The following MYH13 variants were observed in gnomAD, a reference collection of about 807,000 sequenced individuals.
MYH13 encodes the protein myosin-13.
Under a neutral mutation model 232.1 loss-of-function variants are expected in MYH13, and 177 were observed. The ratio of observed to expected loss-of-function variants is 0.76; its 90% CI spans 0.67 to 0.86. MYH13 has a LOEUF of 0.86. Ranked by LOEUF, MYH13 falls within the 40% of genes least tolerant of loss-of-function variation. The probability of loss-of-function intolerance (pLI) is 0.00; values close to 1 mark genes in which losing one functional copy is unlikely to be tolerated. For synonymous variants in MYH13, 884 were observed against 923.5 expected (o/e 0.96, Z 0.78); for missense variants, 2,246 against 2,405.9 (o/e 0.93, Z 1.39).
At chr17:10,322,535 G>A (rs1264829214) in intron 23 of MYH13, among the ~76,000 whole-genome samples, 1 of 151,924 alleles carries the variant, frequency 6.6e-6, no homozygotes, top group Non-Finnish European at 1.5e-5. Context: ...TTCCAGATCA[G>A]AAGTTGCTAA....
intron 2 of MYH13, among the ~76,000 whole-genome samples, chr17:10,366,259 T>G (rs1405329662): frequency 6.6e-6 from 1 of 151,828 alleles, no homozygotes; most frequent in Admixed American, 6.6e-5. Context: ...CCTCTTTCCT[T>G]CCCTTCTCTC....
intron 11 of MYH13, among the ~76,000 whole-genome samples, chr17:10,354,199 C>T (rs1597387863): frequency 6.6e-6 from 1 of 152,262 alleles, no homozygotes; most frequent in Non-Finnish European, 1.5e-5. Context: ...AAAATAAACA[C>T]CACAGGCCTG....
In MYH13 at chr17:10,306,437, A is replaced by G; in HGVS notation, c.5466+22T>C. On this transcript the variant is annotated intron_variant, in intron 37 of 40. Transcript: ENST00000252172. The surrounding 1 kb of genome is among the most constrained non-coding windows in gnomAD (Gnocchi z 4.3). ...GTCCGAGGCTGTCACTTTCAGAGTAACAGTCCTCTCAAAAACTCTACCCGG... is the reference window on the plus strand; with the variant it reads ...GTCCGAGGCTGTCACTTTCAGAGTAGCAGTCCTCTCAAAAACTCTACCCGG... 1.2e-6 allele frequency: 2 copies of G among 1,613,994 alleles called. No individual in the cohort carries two copies. Among genetic ancestry groups the G allele is most frequent in the Non-Finnish European group, 1.7e-6 (2 of 1,179,950 alleles).
At chr17:10,305,936 T>C (rs1016683536) in intron 37 of MYH13, among the ~76,000 whole-genome samples, 2 of 152,002 alleles carry the variant, frequency 1.3e-5, no homozygotes, top group Non-Finnish European at 2.9e-5. Flanking sequence ...TGTGCCAGAA[T>C]TGCAGCCTGC....
chr17:10,344,220 G>T, intron 15 of MYH13, 111 bp from the exon 16 acceptor site: 1 of 1,458,718 alleles, frequency 6.9e-7, no homozygotes, highest in Non-Finnish European at 9.2e-7. Context: ...AGGAATGCTG[G>T]CATGTACGCT....
intron 23 of MYH13, among the ~76,000 whole-genome samples, chr17:10,322,281 C>G (rs577327879): frequency 1.3e-5 from 2 of 151,910 alleles, no homozygotes; most frequent in African/African-American, 2.4e-5. Context: ...ACCTGTAGTC[C>G]CAGCTACTCA....
Position 10,324,264 on chromosome 17 carries a change from C to T in MYH13, c.2692G>A (p.Glu898Lys). 6.2e-7 allele frequency: 1 copy of T among 1,613,102 alleles called. No individual in the cohort carries two copies. Among genetic ancestry groups the T allele is most frequent in the African/African-American group, 1.3e-5 (1 of 74,908 alleles). ...TCAGCGTCCATCAGATTTTCTGTTT[C>T]CTGAAAGAACCAGGTCATTTTATGT... Reference protein sequence around the residue: ...KNDLQLQVQSETENLMDAEER... With the variant: ...KNDLQLQVQSKTENLMDAEER... The change falls in exon 23 of 41, where the codon GAA (glutamate) becomes AAA (lysine). Residue 898 changes from glutamate (E) to lysine (K), a missense_variant and splice_region_variant. Physicochemically the swap from Glu to Lys is moderately conservative, Grantham distance 56. Coordinates refer to ENST00000252172, the MANE Select transcript of MYH13 (RefSeq NM_003802.3).
At chr17:10,324,364 A>G in intron 22 of MYH13, 100 bp from the exon 23 acceptor site, 2 of 1,446,892 alleles carry the variant, frequency 1.4e-6, no homozygotes, top group Non-Finnish European at 1.9e-6. Context: ...CACCTAAGCC[A>G]AGAAATGGGT....
At chr17:10,305,894 C>T (rs1196070873) in intron 37 of MYH13, among the ~76,000 whole-genome samples, 1 of 152,106 alleles carries the variant, frequency 6.6e-6, no homozygotes, top group Admixed American at 6.6e-5. Flanking sequence ...GCCCCGATCG[C>T]CCTCTTTTGG....
intron 26 of MYH13, among the ~76,000 whole-genome samples, chr17:10,319,706 T>C (rs1289078440): frequency 6.6e-6 from 1 of 152,108 alleles, no homozygotes; most frequent in Non-Finnish European, 1.5e-5. Flanking sequence ...AAGGAGCAAA[T>C]TGCAGAGTGA....
At chr17:10,319,238 A>AG in intron 26 of MYH13, 59 bp from the exon 27 acceptor site, 1 of 1,543,016 alleles carries the variant, frequency 6.5e-7, no homozygotes, top group Non-Finnish European at 8.7e-7. Context: ...CCCCTTTGAG[A>AG]GGGGCTGGGT....
chr17:10,329,454 T>C (rs754069195), intron 21 of MYH13, among the ~76,000 whole-genome samples: 3 of 152,216 alleles, frequency 2.0e-5, no homozygotes, highest in Non-Finnish European at 2.9e-5. Flanking sequence ...CCTTGCCCCG[T>C]CATAGCCTTT....
intron 11 of MYH13, among the ~76,000 whole-genome samples, chr17:10,354,346 C>A (rs1366291222): frequency 1.3e-5 from 2 of 152,136 alleles, no homozygotes. Context: ...CTTGAAGAAC[C>A]ATGTAGATGG....
In MYH13 at chr17:10,321,600, G is replaced by A; in HGVS notation, c.3043C>T (p.Gln1015Ter). 6 of 1,613,844 alleles carry A rather than the reference G, an allele frequency of 3.7e-6. No homozygotes were observed. Among genetic ancestry groups the A allele is most frequent in the Non-Finnish European group, 5.1e-6 (6 of 1,179,806 alleles). The change falls in exon 24 of 41, where the codon CAG becomes TAG. Residue 1015 changes from glutamine (Q) to a stop codon, truncating the protein, a stop_gained. Transcript: ENST00000252172. LOFTEE classifies it high-confidence loss of function. ...CCATTGACTTTATCTTCTTCCACCT[G>A]AAGATCATCCAGTGTTTGCTGATGG... ...EAHQQTLDDL[Q>*]VEEDKVNGLI...
chr17:10,310,375 G>A (rs1161591480), intron 33 of MYH13, among the ~76,000 whole-genome samples: 2 of 152,040 alleles, frequency 1.3e-5, no homozygotes, highest in Non-Finnish European at 2.9e-5. Flanking sequence ...TTACAGTTGT[G>A]AGCCACCATG....
chr17:10,309,163 C>CAGCT, intron 35 of MYH13, 71 bp downstream of exon 35: 6 of 1,476,674 alleles, frequency 4.1e-6, no homozygotes, highest in Non-Finnish European at 5.5e-6. Context: ...ATAGCGGAAG[C>CAGCT]AGCTGCACGG....
intron 25 of MYH13, 52 bp downstream of exon 25, chr17:10,320,299 G>A (rs1416774482): frequency 4.2e-5 from 67 of 1,606,368 alleles, no homozygotes; most frequent in Non-Finnish European, 5.6e-5. Context: ...CTTGGAGGGG[G>A]TGAAAGTTGG....
rs769709681 is a variant in MYH13 at position 10,306,638 on chromosome 17, G to C, written c.5296-9C>G. ...TCAGCCATCATGGCAGCCTGGTTAA[G>C]TTCACAGGACACATCAGAGGCCCTG... On this transcript the variant is annotated splice_polypyrimidine_tract_variant and intron_variant, in intron 36 of 40. Transcript: ENST00000252172. This position sits in a 1 kb window ranked among gnomAD's most constrained non-coding sequence, Gnocchi z 4.3. 41 of 1,613,724 alleles carry C rather than the reference G, an allele frequency of 2.5e-5. No homozygotes were observed. The highest frequency in any genetic ancestry group is 3.2e-5 in the Non-Finnish European group (38 of 1,180,006).
chr17:10,320,593 G>T, intron 24 of MYH13, 97 bp from the exon 25 acceptor site: 2 of 1,356,778 alleles, frequency 1.5e-6, no homozygotes, highest in Non-Finnish European at 2.0e-6. Flanking sequence ...GGCTTCCTGG[G>T]GCTCCTGTAG....
Sources: gnomAD v4.1 joint callset for allele counts (sites outside exome capture counted in the v4.1 genomes callset) on GRCh38, gnomAD v4.1.1 for gene constraint, Gnocchi (gnomAD v3.1) non-coding constraint, MANE v1.5 for transcripts, NCBI Gene and HGNC (gene_info 2026-07-23, HGNC 2026-07-21) for gene names.